The following DGKG variants were observed in gnomAD, a reference collection of about 807,000 sequenced individuals.
DGKG encodes the protein DAG kinase gamma.
In DGKG, 78 loss-of-function variants were observed where a neutral mutation model predicts 105.3. The observed-to-expected ratio is 0.74, with a 90% CI of 0.62 to 0.89. The LOEUF (loss-of-function observed/expected upper bound fraction) is 0.89. DGKG is among the 40% of genes least tolerant of loss of function. The pLI, the probability that DGKG is intolerant of heterozygous loss-of-function variation, is 0.00. For missense variants in DGKG, 958 were observed against 1,020.1 expected (o/e 0.94, Z 0.83); for synonymous variants, 346 against 367.1 (o/e 0.94, Z 0.66).
chr3:186,304,249 G>T (rs1724118272), intron 3 of DGKG, among the ~76,000 whole-genome samples: 1 of 152,218 alleles, frequency 6.6e-6, no homozygotes, highest in African/African-American at 2.4e-5. Context: ...TGGAGCTGGG[G>T]GTGGGGGGTG....
chr3:186,164,895 T>C lies in DGKG; in HGVS notation c.2216+3A>G, dbSNP rs1446913377. The C allele has an allele frequency of 1.9e-6, 3 of 1,611,076 alleles. No homozygotes were observed. Among genetic ancestry groups the C allele is most frequent in the East Asian group, 4.5e-5 (2 of 44,854 alleles). ...GAGGCTGTTGGGTGACAAAGAGGCA[T>C]ACCTGATGGTGACAGAGGCGCACTG... On this transcript the variant is annotated splice_donor_region_variant and intron_variant, in intron 23 of 24. Coordinates refer to ENST00000265022, the MANE Select transcript of DGKG (RefSeq NM_001346.3).
intron 3 of DGKG, among the ~76,000 whole-genome samples, chr3:186,303,035 C>A (rs1167719933): frequency 6.6e-6 from 1 of 152,140 alleles, no homozygotes; most frequent in Non-Finnish European, 1.5e-5. Flanking sequence ...GAAGCCAGAC[C>A]TCCTGACTCC....
chr3:186,188,091 A>C, intron 22 of DGKG, 111 bp downstream of exon 22: 1 of 1,256,464 alleles, frequency 8.0e-7, no homozygotes, highest in Admixed American at 2.0e-5. Context: ...ATATCCGCAG[A>C]GCATGGAGTC....
chr3:186,297,548 C>T (rs1723644013), intron 4 of DGKG, 65 bp from the exon 5 acceptor site: 1 of 1,135,852 alleles, frequency 8.8e-7, no homozygotes, highest in East Asian at 2.3e-5. Context: ...AGGGCAGGTA[C>T]AGGACATCCC....
At chr3:186,288,626 T>G (rs1723177116) in intron 6 of DGKG, 84 bp downstream of exon 6, 1 of 1,428,152 alleles carries the variant, frequency 7.0e-7, no homozygotes. Flanking sequence ...CAACTCAATC[T>G]CCAGTGTGTT....
At chr3:186,191,528 T>C (rs1179886664) in intron 21 of DGKG, among the ~76,000 whole-genome samples, 1 of 152,252 alleles carries the variant, frequency 6.6e-6, no homozygotes, top group African/African-American at 2.4e-5. Flanking sequence ...TAGTTCTCCA[T>C]TGATTTACCT....
chr3:186,181,928 T>A (rs1336589429), intron 22 of DGKG, among the ~76,000 whole-genome samples: 2 of 151,606 alleles, frequency 1.3e-5, no homozygotes, highest in South Asian at 2.1e-4. Context: ...CAGTGAAGAG[T>A]CTGAGGAAAT....
chr3:186,357,645 C>T (rs1436804357), intron 1 of DGKG, among the ~76,000 whole-genome samples: 1 of 152,274 alleles, frequency 6.6e-6, no homozygotes, highest in East Asian at 1.9e-4. Context: ...AGAGTCGGTG[C>T]CCAGTAAGTG....
At chr3:186,207,736 T>G (rs1419402872) in intron 21 of DGKG, among the ~76,000 whole-genome samples, 1 of 152,234 alleles carries the variant, frequency 6.6e-6, no homozygotes, top group African/African-American at 2.4e-5. Flanking sequence ...TGTCTACAGG[T>G]GAGCAGGAGA....
At chr3:186,207,338 C>T (rs1042284763) in intron 21 of DGKG, 1 of 500,320 alleles carries the variant, frequency 2.0e-6, no homozygotes. Context: ...CCAGTACTGC[C>T]CCGAAACTCT....
At position 186,148,537 on chromosome 3, in the gene DGKG, A is replaced by C. The variant is rs1715603403; in HGVS notation, c.*1553T>G. The C allele has an allele frequency of 1.0e-6, 1 of 985,298 alleles. No homozygotes were observed. Among genetic ancestry groups the C allele is most frequent in the African/African-American group, 1.7e-5 (1 of 57,214 alleles). The allele number at this position is 985,298 out of a possible 1,614,324, so 61.0% of individuals were successfully genotyped here. Reference sequence around the variant, plus strand: ...GTTCCTCCCTGGCAACCTGGATCCAAGTGGACTCACTTTTCAGTGACCAGA... The same window carrying C: ...GTTCCTCCCTGGCAACCTGGATCCACGTGGACTCACTTTTCAGTGACCAGA... On this transcript the variant is annotated 3_prime_UTR_variant, in exon 25 of 25. Transcript: ENST00000265022.
intron 20 of DGKG, among the ~76,000 whole-genome samples, chr3:186,230,363 G>A (rs1054298187): frequency 2.0e-5 from 3 of 152,276 alleles, no homozygotes; most frequent in East Asian, 1.9e-4. Flanking sequence ...AAGTAGGTTC[G>A]TTCAGAATAT....
In DGKG at chr3:186,334,398, C is replaced by T. The variant is rs10451935; in HGVS notation, c.-248-13691G>A. Among the ~76,000 whole-genome samples the T allele has an allele frequency of 3.8e-3, 586 of 152,310 alleles. 5 individuals carry two copies. The highest frequency in any genetic ancestry group is 0.012 in the African/African-American group (515 of 41,556). Reference sequence around the variant, plus strand: ...ACTGGTTCATTCCAGAAACCTAGGGCTGAGTTTATGGAAGGCTCTGGGTAG... The same window carrying T: ...ACTGGTTCATTCCAGAAACCTAGGGTTGAGTTTATGGAAGGCTCTGGGTAG... On this transcript the variant is annotated intron_variant, in intron 1 of 24. Transcript: ENST00000265022.
At chr3:186,207,347 C>G (rs1053770574) in intron 21 of DGKG, 2 of 645,860 alleles carry the variant, frequency 3.1e-6, no homozygotes, top group Non-Finnish European at 3.8e-6. Flanking sequence ...CCCCGAAACT[C>G]TCGGGTGTCT....
At chr3:186,224,083 G>A (rs1032851462) in intron 20 of DGKG, among the ~76,000 whole-genome samples, 3 of 152,148 alleles carry the variant, frequency 2.0e-5, no homozygotes, top group African/African-American at 7.2e-5. Context: ...CCTTCTGTGG[G>A]CTGTGATTTT....
chr3:186,266,986 T>C (rs936070240), intron 13 of DGKG, among the ~76,000 whole-genome samples: 3 of 152,170 alleles, frequency 2.0e-5, no homozygotes, highest in Non-Finnish European at 2.9e-5. Context: ...ATTTTTAAGA[T>C]GGGAAGATGG....
intron 2 of DGKG, among the ~76,000 whole-genome samples, chr3:186,309,295 G>A (rs1399164759): frequency 6.6e-6 from 1 of 152,182 alleles, no homozygotes; most frequent in Non-Finnish European, 1.5e-5. Flanking sequence ...GAGCAACGGT[G>A]CAGAGATGGG....
chr3:186,270,597 C>A (rs1722270240), intron 11 of DGKG, among the ~76,000 whole-genome samples: 1 of 152,248 alleles, frequency 6.6e-6, no homozygotes, highest in Non-Finnish European at 1.5e-5. Flanking sequence ...GCCAATTAAT[C>A]TGTCATCTAC....
intron 1 of DGKG, among the ~76,000 whole-genome samples, chr3:186,348,762 T>C (rs1578866530): frequency 2.0e-5 from 3 of 152,176 alleles, no homozygotes; most frequent in Non-Finnish European, 4.4e-5. Context: ...TTCATTATCT[T>C]ACTACCCCCA....
Sources: allele counts gnomAD v4.1 joint callset (sites outside exome capture counted in the v4.1 genomes callset), GRCh38; gene constraint gnomAD v4.1.1; transcripts MANE v1.5; gene names NCBI Gene and HGNC (gene_info 2026-07-23, HGNC 2026-07-21).